The following CTTNBP2NL variants were observed in gnomAD, a reference collection of about 807,000 sequenced individuals.
CTTNBP2NL encodes the protein CTTNBP2 N-terminal like.
In CTTNBP2NL, 16 loss-of-function variants were observed where a neutral mutation model predicts 32.5. The observed-to-expected ratio is 0.49, with a 90% confidence interval of 0.33 to 0.75. The LOEUF is 0.75. Ranked by LOEUF, CTTNBP2NL falls within the 30% of genes least tolerant of loss-of-function variation. The probability of loss-of-function intolerance (pLI) is 0.02; values close to 1 mark genes in which losing one functional copy is unlikely to be tolerated. For missense variants in CTTNBP2NL, 645 were observed against 756.0 expected (o/e 0.85, Z 1.72); for synonymous variants, 298 against 289.4 (o/e 1.03, Z -0.30).
intron 1 of CTTNBP2NL, among the ~76,000 whole-genome samples, chr1:112,411,131 A>G (rs1225354416): frequency 1.3e-5 from 2 of 152,124 alleles, no homozygotes; most frequent in African/African-American, 4.8e-5. Context: ...CTGTATAACA[A>G]ATTCATACTT....
intron 3 of CTTNBP2NL, among the ~76,000 whole-genome samples, chr1:112,434,280 T>C (rs1278306601): frequency 1.3e-5 from 2 of 152,196 alleles, no homozygotes; most frequent in Admixed American, 1.3e-4. Context: ...AAATATCCCG[T>C]ATCACAGTCT....
chr1:112,449,082 C>G lies in CTTNBP2NL; in HGVS notation c.240C>G (p.Leu80=), dbSNP rs1287858912. 1 of 1,613,500 alleles carries G rather than the reference C, an allele frequency of 6.2e-7. No homozygotes were observed. Among genetic ancestry groups the G allele is most frequent in the Non-Finnish European group, 8.5e-7 (1 of 1,179,406 alleles). ...GEKQPVCTNP[L]SILKVVMKQC... ...AGCAGCCAGTCTGCACAAATCCACT[C>G]TCTATTCTTAAGGTTGTGATGAAGC... Residue 80 remains leucine (L), a synonymous_variant, in exon 4 of 6, where the codon CTC becomes CTG. Transcript: ENST00000271277.
At chr1:112,428,073 T>TTA (rs980514197) in intron 3 of CTTNBP2NL, among the ~76,000 whole-genome samples, 48 of 151,744 alleles carry the variant, frequency 3.2e-4, no homozygotes, top group Admixed American at 7.9e-4. Context: ...TTATAAGCAT[T>TTA]TATATATATA....
Position 112,456,193 on chromosome 1 carries a change from A to AGGG in CTTNBP2NL, c.703_704insGGG (p.Gln234_Val235insGly). ...AAGAGAGGCTTGCAGACTGAGGCCC[A>AGGG]GGTAGAGAAGCAGTTATCAGAGTTT... is the stretch of plus-strand genomic sequence containing the variant. On this transcript the variant is annotated inframe_insertion, in exon 6 of 6. Transcript: ENST00000271277. 6.2e-7 allele frequency: 1 copy of AGGG among 1,614,154 alleles called. No individual in the cohort carries two copies. The highest frequency in any genetic ancestry group is 8.5e-7 in the Non-Finnish European group (1 of 1,180,038).
intron 1 of CTTNBP2NL, among the ~76,000 whole-genome samples, chr1:112,408,220 A>ATTTTTTTTTTTTTTTTTTTTTTTTTT (rs397981257): frequency 2.0e-4 from 21 of 103,740 alleles, no homozygotes; most frequent in Non-Finnish European, 2.8e-4. Flanking sequence ...TTTTTTTTTA[A>ATTTTTTTTTTTTTTTTTTTTTTTTTT]TTTTTTTTTT....
At position 112,458,148 on chromosome 1, in the gene CTTNBP2NL, A is replaced by G. The variant is rs1014453748; in HGVS notation, c.*736A>G. On this transcript the variant is annotated 3_prime_UTR_variant, in exon 6 of 6. Transcript: ENST00000271277. ...AAGTTCTTGAACAGAATGAAATCAC[A>G]TCTCCATTCAAAAAATGTCTCAAGC... 8 of 152,670 alleles carry G rather than the reference A, an allele frequency of 5.2e-5. No homozygotes were observed. The highest frequency in any genetic ancestry group is 1.7e-4 in the African/African-American group (7 of 41,466). The allele number at this position is 152,670 out of a possible 1,614,324, so 9.5% of individuals were successfully genotyped here.
intron 3 of CTTNBP2NL, among the ~76,000 whole-genome samples, chr1:112,442,648 T>G (rs2492530): frequency 0.55 from 83,666 of 151,714 alleles, 24,145 homozygotes; most frequent in South Asian, 0.71. Context: ...CACAGGACTC[T>G]GGAATTTGAA....
Position 112,428,473 on chromosome 1 carries a change from A to G in CTTNBP2NL, c.99+12209A>G, listed in dbSNP as rs553784396. On this transcript the variant is annotated intron_variant, in intron 3 of 5. Transcript: ENST00000271277. ...ATTATTTCTTTCCAACCCACCTGAA[A>G]TAACTCAACTGAATCTGCCTAAAAA... 2.6e-5 allele frequency among the ~76,000 whole-genome samples: 4 copies of G among 152,298 alleles called. No individual in the cohort carries two copies. The East Asian group carries it at 7.7e-4, about 29-fold the overall frequency.
At chr1:112,411,841 C>T (rs1008014410) in intron 1 of CTTNBP2NL, among the ~76,000 whole-genome samples, 1 of 152,156 alleles carries the variant, frequency 6.6e-6, no homozygotes, top group Non-Finnish European at 1.5e-5. Flanking sequence ...CGCCACCACG[C>T]CCGGCTAAAT....
chr1:112,393,759 A>G (rs149661931), upstream of CTTNBP2NL, among the ~76,000 whole-genome samples: 14 of 152,278 alleles, frequency 9.2e-5, no homozygotes, highest in East Asian at 2.7e-3. Flanking sequence ...GTCCTTCTAC[A>G]CTCATTTAGG....
At chr1:112,433,603 C>G (rs2101018253) in intron 3 of CTTNBP2NL, among the ~76,000 whole-genome samples, 1 of 152,200 alleles carries the variant, frequency 6.6e-6, no homozygotes, top group African/African-American at 2.4e-5. Context: ...AAAAACAAAC[C>G]AACATAATAA....
At chr1:112,391,238 GCTTTCAGA>G (rs2100982905), upstream of CTTNBP2NL, among the ~76,000 whole-genome samples, 1 of 152,352 alleles carries the variant, frequency 6.6e-6, no homozygotes, top group African/African-American at 2.4e-5. Context: ...GCCCTCTCTG[GCTTTCAGA>G]CTTTGACCTC....
chr1:112,395,030 A>G (rs182410580), upstream of CTTNBP2NL, among the ~76,000 whole-genome samples: 216 of 152,322 alleles, frequency 1.4e-3, 1 homozygote, highest in African/African-American at 5.1e-3. Flanking sequence ...TAATCGCACA[A>G]ACTGATCACA....
In CTTNBP2NL at chr1:112,456,544, A is replaced by C. The variant is rs751165429; in HGVS notation, c.1052A>C (p.His351Pro). Residue 351 changes from histidine to proline, a missense_variant, in exon 6 of 6, where the codon CAT (histidine) becomes CCT (proline). Coordinates refer to ENST00000271277, the MANE Select transcript of CTTNBP2NL (RefSeq NM_018704.3). ...TACTCATATGCAAAAACCAATGGCCATTGTGACCCAGAGATACAAACTACC... is the reference window on the plus strand; with the variant it reads ...TACTCATATGCAAAAACCAATGGCCCTTGTGACCCAGAGATACAAACTACC... The part of the protein sequence containing the change: ...PAYSYAKTNG[H>P]CDPEIQTTRE... 1.9e-6 allele frequency: 3 copies of C among 1,614,064 alleles called. No individual in the cohort carries two copies. In the Admixed American group the frequency reaches 5.0e-5, roughly 27 times the overall value.
At chr1:112,433,236 T>C (rs1252384053) in intron 3 of CTTNBP2NL, among the ~76,000 whole-genome samples, 2 of 152,176 alleles carry the variant, frequency 1.3e-5, no homozygotes, top group Non-Finnish European at 2.9e-5. Context: ...CAAAATGTTA[T>C]TATTCATTTT....
intron 4 of CTTNBP2NL, among the ~76,000 whole-genome samples, chr1:112,452,645 C>CTTTTTTTTTT (rs34842059): frequency 2.3e-5 from 3 of 133,094 alleles, no homozygotes; most frequent in African/African-American, 9.3e-5. Flanking sequence ...CTCCTGGCCT[C>CTTTTTTTTTT]TTTTTTTTTT....
intron 5 of CTTNBP2NL, 23 bp downstream of exon 5, chr1:112,454,579 C>A: frequency 6.7e-7 from 1 of 1,496,132 alleles, no homozygotes. Flanking sequence ...GAGGGATTCA[C>A]AGTAGCATTT....
At chr1:112,447,267 C>G (rs1175139826) in intron 3 of CTTNBP2NL, among the ~76,000 whole-genome samples, 1 of 116,024 alleles carries the variant, frequency 8.6e-6, no homozygotes, top group Non-Finnish European at 1.7e-5. Flanking sequence ...GAGCGAGACT[C>G]CATCTAAAAA....
At chr1:112,396,632 G>T in intron 1 of CTTNBP2NL, 1 of 152,290 alleles carries the variant, frequency 6.6e-6, no homozygotes, top group Non-Finnish European at 1.5e-5. Context: ...TCGTACCCCC[G>T]GAAGGCCAAA....
Sources: allele counts gnomAD v4.1 joint callset (sites outside exome capture counted in the v4.1 genomes callset), GRCh38; gene constraint gnomAD v4.1.1; transcripts MANE v1.5; gene names NCBI Gene and HGNC (gene_info 2026-07-23, HGNC 2026-07-21).